SLC4A5: variants seen among roughly 807,000 people sequenced by gnomAD.
SLC4A5 encodes the protein electrogenic sodium bicarbonate cotransporter 4.
Under a neutral mutation model 120.4 loss-of-function variants are expected in SLC4A5, and 96 were observed. The ratio of observed to expected loss-of-function variants is 0.80; its 90% CI spans 0.68 to 0.94. SLC4A5 has a LOEUF of 0.94. SLC4A5 is among the 40% of genes least tolerant of loss of function. The pLI is 0.00. For missense variants in SLC4A5, 1,259 were observed against 1,459.5 expected (o/e 0.86, Z 2.24); for synonymous variants, 550 against 571.1 (o/e 0.96, Z 0.53).
chr2:74,331,553 T>G (rs1287695903), intron 4 of SLC4A5, among the ~76,000 whole-genome samples: 1 of 151,952 alleles, frequency 6.6e-6, no homozygotes, highest in African/African-American at 2.4e-5. Flanking sequence ...ATTACACATG[T>G]GAAATGGTGA....
rs777699118 is a variant in SLC4A5, at chr2:74,247,067, G to C, written c.2028C>G (p.Thr676=). ...CAGGGGCGACACACTCGCACTTGTAGGTAGTGATGAAGTTTGGCTTGAAGT... is the reference window on the plus strand; with the variant it reads ...CAGGGGCGACACACTCGCACTTGTACGTAGTGATGAAGTTTGGCTTGAAGT... Residue 676 remains threonine, a synonymous_variant, in exon 19 of 31, where the codon ACC becomes ACG. Coordinates refer to ENST00000394019, the Ensembl canonical transcript of SLC4A5. 9.8e-5 allele frequency: 158 copies of C among 1,614,058 alleles called. No homozygotes were observed. The highest frequency in any genetic ancestry group is 1.3e-4 in the Non-Finnish European group (156 of 1,180,050).
chr2:74,323,978 G>C (rs1673154788), intron 5 of SLC4A5, among the ~76,000 whole-genome samples: 1 of 152,204 alleles, frequency 6.6e-6, no homozygotes, highest in African/African-American at 2.4e-5. Flanking sequence ...GTGGCATATG[G>C]AGGAAGCTGG....
chr2:74,328,879 T>C (rs1558916527), intron 4 of SLC4A5, among the ~76,000 whole-genome samples: 1 of 152,230 alleles, frequency 6.6e-6, no homozygotes, highest in African/African-American at 2.4e-5. Flanking sequence ...CATAAACATG[T>C]GTACTTATTT....
At chr2:74,270,545 C>A (rs796181131) in intron 8 of SLC4A5, among the ~76,000 whole-genome samples, 3 of 152,128 alleles carry the variant, frequency 2.0e-5, no homozygotes, top group African/African-American at 4.8e-5. Flanking sequence ...TGGTGGCAGG[C>A]GCTTGTAGTC....
exon 27 of SLC4A5, chr2:74,227,071 G>A: frequency 2.5e-6 from 4 of 1,614,156 alleles, no homozygotes; most frequent in Non-Finnish European, 3.4e-6. Context: ...CGTGCCGCAG[G>A]AAGGCATGGT....
At chr2:74,286,402 C>T (rs1398051570) in intron 7 of SLC4A5, among the ~76,000 whole-genome samples, 1 of 152,190 alleles carries the variant, frequency 6.6e-6, no homozygotes, top group Non-Finnish European at 1.5e-5. Context: ...TTTCCTGAGG[C>T]CCCAGCCTGC....
In SLC4A5 at chr2:74,308,483, G is replaced by T. The variant is rs115043885; in HGVS notation, c.80-3803C>A. Among the ~76,000 whole-genome samples the T allele has an allele frequency of 3.0e-3, 463 of 152,250 alleles. 1 individual carries two copies. The highest frequency in any genetic ancestry group is 0.01 in the African/African-American group (428 of 41,536). On this transcript the variant is annotated intron_variant, in intron 6 of 30. Transcript: ENST00000394019. ...ATTCCCAACTGACATATGACATTTA[G>T]AATCTTTTTATATGCTTATTTGCCA...
chr2:74,247,057 C>A lies in SLC4A5; in HGVS notation c.2038G>T (p.Glu680Ter). The A allele has an allele frequency of 6.2e-7, 1 of 1,614,042 alleles. No individual in the cohort carries two copies. The highest frequency in any genetic ancestry group is 8.5e-7 in the Non-Finnish European group (1 of 1,179,974). Reference sequence around the variant, plus strand: ...TCACCTGTGTCAGGGGCGACACACTCGCACTTGTAGGTAGTGATGAAGTTT... The same window carrying A: ...TCACCTGTGTCAGGGGCGACACACTAGCACTTGTAGGTAGTGATGAAGTTT... Residue 680 changes from glutamate (E) to a stop codon, truncating the protein, a stop_gained, in exon 19 of 31, where the codon GAG becomes TAG. Coordinates refer to ENST00000394019, the Ensembl canonical transcript of SLC4A5. LOFTEE classifies it high-confidence loss of function.
chr2:74,293,969 A>AT (rs1206486395), intron 7 of SLC4A5, among the ~76,000 whole-genome samples: 4 of 152,198 alleles, frequency 2.6e-5, no homozygotes, highest in Admixed American at 2.6e-4. Context: ...GGGAGTAAAA[A>AT]AAGGCAGGGC....
intron 15 of SLC4A5, 59 bp from the exon 16 acceptor site, chr2:74,252,447 A>G (rs1275127550): frequency 3.8e-6 from 6 of 1,559,428 alleles, no homozygotes; most frequent in Admixed American, 3.7e-5. Context: ...CACCTCTCCA[A>G]CCAAAATTAT....
intron 25 of SLC4A5, among the ~76,000 whole-genome samples, chr2:74,229,313 A>G (rs551234436): frequency 3.5e-4 from 52 of 150,162 alleles, no homozygotes; most frequent in African/African-American, 1.2e-3. Context: ...GCAGTGGTGC[A>G]ATCTCGGCTC....
At chr2:74,285,865 C>A in exon 8 of SLC4A5, 1 of 1,611,780 alleles carries the variant, frequency 6.2e-7, no homozygotes, top group African/African-American at 1.3e-5. Flanking sequence ...CATCTTCCTC[C>A]CCCAGGATGT....
At position 74,272,874 on chromosome 2, in the gene SLC4A5, G is replaced by T. The variant is rs535627195; in HGVS notation, c.402-7610C>A. On this transcript the variant is annotated intron_variant, in intron 8 of 30. Transcript: ENST00000394019. ...TTCCAATGCTCAAACCACAGGATGGGAGAAGAGGAGGTTCTCCTTCAAGGA... is the reference window on the plus strand; with the variant it reads ...TTCCAATGCTCAAACCACAGGATGGTAGAAGAGGAGGTTCTCCTTCAAGGA... Among the ~76,000 whole-genome samples, 5 of 152,344 alleles carry T rather than the reference G, an allele frequency of 3.3e-5. No homozygotes were observed. In the East Asian group the frequency reaches 7.7e-4, roughly 24 times the overall value.
Position 74,300,057 on chromosome 2 carries a change from T to C in SLC4A5, c.271+4432A>G, listed in dbSNP as rs543979577. Among the ~76,000 whole-genome samples the C allele has an allele frequency of 8.5e-5, 13 of 152,270 alleles. No individual in the cohort carries two copies. In the East Asian group the frequency reaches 2.1e-3, roughly 25 times the overall value. ...TATTCAGCCATAAAAAAGAAGGAAA[T>C]TCTGCCATTTGTTTCAACATGGAAG... On this transcript the variant is annotated intron_variant, in intron 7 of 30. Coordinates refer to ENST00000394019, the Ensembl canonical transcript of SLC4A5.
At chr2:74,262,000 T>A (rs746677281) in intron 11 of SLC4A5, 137 bp downstream of exon 11, 1 of 687,024 alleles carries the variant, frequency 1.5e-6, no homozygotes, top group South Asian at 2.3e-5. Flanking sequence ...GAGTGAAAGT[T>A]AGGCTCCTCC....
chr2:74,277,244 ACT>A (rs1289990149), intron 8 of SLC4A5, among the ~76,000 whole-genome samples: 3 of 151,954 alleles, frequency 2.0e-5, no homozygotes, highest in African/African-American at 7.3e-5. Flanking sequence ...GGGGCTCTTG[ACT>A]CTCGTGTAAA....
At chr2:74,330,320 G>A (rs1443402860) in intron 4 of SLC4A5, among the ~76,000 whole-genome samples, 1 of 149,492 alleles carries the variant, frequency 6.7e-6, no homozygotes, top group Non-Finnish European at 1.5e-5. Context: ...GTATAGGTGA[G>A]GGTGGTGAGG....
chr2:74,246,933 T>A, intron 19 of SLC4A5, 103 bp downstream of exon 19: 2 of 1,460,646 alleles, frequency 1.4e-6, no homozygotes, highest in Non-Finnish European at 1.9e-6. Flanking sequence ...AGCCCTTGGC[T>A]GAATGGCCCC....
At chr2:74,290,096 C>T in intron 7 of SLC4A5, 1 of 973,392 alleles carries the variant, frequency 1.0e-6, no homozygotes, top group Non-Finnish European at 1.2e-6. Flanking sequence ...GGGCATGCTA[C>T]TCCTTGGGCC....
Sources: gnomAD v4.1 joint callset for allele counts (sites outside exome capture counted in the v4.1 genomes callset) on GRCh38, gnomAD v4.1.1 for gene constraint, MANE v1.5 for transcripts, NCBI Gene and HGNC (gene_info 2026-07-23, HGNC 2026-07-21) for gene names.